Variants in KCNAB1 observed in about 807,000 individuals in gnomAD.
KCNAB1 encodes voltage-gated potassium channel subunit beta-1.
In KCNAB1, 35 loss-of-function variants were observed where a neutral mutation model predicts 64.6. That is an observed-to-expected ratio of 0.54 (90% CI 0.41 to 0.72). The LOEUF (loss-of-function observed/expected upper bound fraction) is 0.72, where lower values mean the gene tolerates loss of function less well. Ranked by LOEUF, KCNAB1 falls within the 30% of genes least tolerant of loss-of-function variation. The probability of loss-of-function intolerance (pLI) is 0.00; values close to 1 mark genes in which losing one functional copy is unlikely to be tolerated. For missense variants in KCNAB1, 401 were observed against 512.9 expected, an observed-to-expected ratio of 0.78 and a Z score of 2.11; for synonymous variants, 177 against 183.8, an observed-to-expected ratio of 0.96 and a Z score of 0.30.
chr3:156,457,938 T>C (rs1207846174), intron 4 of KCNAB1, among the ~76,000 whole-genome samples: 1 of 152,166 alleles, frequency 6.6e-6, no homozygotes, highest in Admixed American at 6.5e-5. Context: ...TTCATAACCA[T>C]ATCTCATAGT....
intron 1 of KCNAB1, among the ~76,000 whole-genome samples, chr3:156,185,425 T>C (rs1312107794): frequency 6.6e-6 from 1 of 152,210 alleles, no homozygotes; most frequent in African/African-American, 2.4e-5. Context: ...CTCTATTCTC[T>C]TAGAGTTTTT....
intron 1 of KCNAB1, among the ~76,000 whole-genome samples, chr3:156,300,572 G>A (rs1464255510): frequency 1.3e-5 from 2 of 152,066 alleles, no homozygotes; most frequent in African/African-American, 2.4e-5. Flanking sequence ...CAGAAACATG[G>A]TATGTCCTTT....
chr3:156,124,397 A>G (rs1469883541), intron 1 of KCNAB1, among the ~76,000 whole-genome samples: 1 of 151,752 alleles, frequency 6.6e-6, no homozygotes, highest in South Asian at 2.1e-4. Flanking sequence ...TTGTATTTTT[A>G]GTAGAGTTGG....
chr3:156,468,396 A>G (rs946253488), intron 7 of KCNAB1, among the ~76,000 whole-genome samples: 3 of 151,834 alleles, frequency 2.0e-5, no homozygotes, highest in African/African-American at 7.2e-5. Context: ...TAATTAAATC[A>G]CCCCATTGTT....
chr3:156,282,178 T>C (rs1719767458), intron 1 of KCNAB1, among the ~76,000 whole-genome samples: 1 of 145,918 alleles, frequency 6.9e-6, no homozygotes, highest in Non-Finnish European at 1.5e-5. Context: ...TTTGTTCTCG[T>C]TGGTTTCAAA....
In KCNAB1 at chr3:156,354,742, GGAAA is replaced by G. The variant is rs1402697389; in HGVS notation, c.276-66863_276-66860del. Among the ~76,000 whole-genome samples, 39 of 139,952 alleles carry G rather than the reference GGAAA, an allele frequency of 2.8e-4. 1 individual carries two copies. Among genetic ancestry groups the G allele is most frequent in the African/African-American group, 9.9e-4 (37 of 37,228 alleles). The allele number at this position is 139,952 out of a possible 152,430, so 91.8% of individuals were successfully genotyped here. A position where few individuals can be genotyped will look rare whatever the true frequency, so the allele number is the denominator to read the frequency against. The stretch of plus-strand genomic sequence containing the variant: ...CCCCTCCAAAAAAAAAAAAAAAAAA[GGAAA>G]GAAAGAAAGAGACCAGTGCCAGTGA... On this transcript the variant is annotated intron_variant, in intron 1 of 13. Coordinates refer to ENST00000490337, the MANE Select transcript of KCNAB1 (RefSeq NM_172160.3).
intron 1 of KCNAB1, among the ~76,000 whole-genome samples, chr3:156,288,756 G>A (rs1720232666): frequency 6.6e-6 from 1 of 152,168 alleles, no homozygotes; most frequent in African/African-American, 2.4e-5. Context: ...TGTCCTAAAG[G>A]CTGGGACACT....
chr3:156,140,054 G>A (rs1242566421), intron 1 of KCNAB1, among the ~76,000 whole-genome samples: 1 of 152,118 alleles, frequency 6.6e-6, no homozygotes, highest in East Asian at 1.9e-4. Context: ...CTAAAAAGAA[G>A]GGAAGAGAAA....
In KCNAB1 at chr3:156,538,393, T is replaced by TTGA. The variant is rs1440487180; in HGVS notation, c.*1648_*1650dup. On this transcript the variant is annotated 3_prime_UTR_variant, in exon 14 of 14. Transcript: ENST00000490337. The stretch of plus-strand genomic sequence containing the variant: ...TGGGAGATATCAAGAAATTTTCTTT[T>TTGA]TGATTACTAGTACCTGTATTCTAAC... The TTGA allele has an allele frequency of 1.3e-5, 2 of 152,250 alleles. No individual in the cohort carries two copies. The highest frequency in any genetic ancestry group is 4.8e-5 in the African/African-American group (2 of 41,460). The allele number at this position is 152,250 out of a possible 1,614,324, so 9.4% of individuals were successfully genotyped here.
chr3:156,253,296 C>T (rs1432798671), intron 1 of KCNAB1, among the ~76,000 whole-genome samples: 1 of 152,202 alleles, frequency 6.6e-6, no homozygotes, highest in Non-Finnish European at 1.5e-5. Flanking sequence ...TCTCAAGACA[C>T]TGAACAGGAG....
At chr3:156,235,561 A>G (rs1206345475) in intron 1 of KCNAB1, among the ~76,000 whole-genome samples, 3 of 152,164 alleles carry the variant, frequency 2.0e-5, no homozygotes, top group Non-Finnish European at 4.4e-5. Context: ...GCTGACCCAA[A>G]TGTTTGGCCT....
intron 1 of KCNAB1, among the ~76,000 whole-genome samples, chr3:156,226,176 G>T (rs1423383408): frequency 6.6e-6 from 1 of 152,058 alleles, no homozygotes; most frequent in Non-Finnish European, 1.5e-5. Context: ...ATACTGTAAG[G>T]CCACAGTCAC....
chr3:156,182,630 C>T (rs1011933396), intron 1 of KCNAB1, among the ~76,000 whole-genome samples: 3 of 111,386 alleles, frequency 2.7e-5, no homozygotes, highest in Admixed American at 7.8e-5. Context: ...GTTTTTTTTT[C>T]CCCCCCCCGG....
intron 1 of KCNAB1, among the ~76,000 whole-genome samples, chr3:156,209,266 G>C (rs138406079): frequency 9.9e-5 from 15 of 152,206 alleles, no homozygotes; most frequent in African/African-American, 3.1e-4. Flanking sequence ...GATTAGGGTG[G>C]GTACTCTAGG....
At chr3:156,131,090 A>G (rs1713968796) in intron 1 of KCNAB1, among the ~76,000 whole-genome samples, 1 of 152,232 alleles carries the variant, frequency 6.6e-6, no homozygotes, top group Non-Finnish European at 1.5e-5. Context: ...CTAGACAGCA[A>G]TAGCTGCCCA....
Position 156,537,726 on chromosome 3 carries a change from TC to T in KCNAB1, c.*980del, listed in dbSNP as rs1719153150. The stretch of plus-strand genomic sequence containing the variant: ...GCTTTACAAATAAACATACACATGC[TC>T]AGTTTTTTAAGTAAACCTGTAAAAT... On this transcript the variant is annotated 3_prime_UTR_variant, in exon 14 of 14. Coordinates refer to ENST00000490337, the MANE Select transcript of KCNAB1 (RefSeq NM_172160.3). 6.6e-6 allele frequency: 1 copy of T among 152,252 alleles called. No homozygotes were observed. The highest frequency in any genetic ancestry group is 1.5e-5 in the Non-Finnish European group (1 of 67,926). The allele number at this position is 152,252 out of a possible 1,614,324, so 9.4% of individuals were successfully genotyped here. A position where few individuals can be genotyped will look rare whatever the true frequency, so the allele number is the denominator to read the frequency against.
intron 1 of KCNAB1, among the ~76,000 whole-genome samples, chr3:156,259,462 A>T (rs1186113337): frequency 6.6e-6 from 1 of 152,076 alleles, no homozygotes; most frequent in Non-Finnish European, 1.5e-5. Flanking sequence ...GCAAAAGGAG[A>T]TATTTCTTTT....
chr3:156,196,307 C>A (rs1156836045), intron 1 of KCNAB1, among the ~76,000 whole-genome samples: 1 of 152,024 alleles, frequency 6.6e-6, no homozygotes, highest in Non-Finnish European at 1.5e-5. Context: ...TTTTTGGTCT[C>A]CTGTGAAATT....
chr3:156,146,578 G>C (rs1251035069), intron 1 of KCNAB1, among the ~76,000 whole-genome samples: 1 of 152,160 alleles, frequency 6.6e-6, no homozygotes, highest in Non-Finnish European at 1.5e-5. Flanking sequence ...CTCTAATCCA[G>C]GGACAACACT....
Sources: allele counts gnomAD v4.1 joint callset (sites outside exome capture counted in the v4.1 genomes callset), GRCh38; gene constraint gnomAD v4.1.1; transcripts MANE v1.5; gene names NCBI Gene and HGNC (gene_info 2026-07-23, HGNC 2026-07-21).